Variants in CUBN observed in about 807,000 individuals in gnomAD.
The protein encoded by CUBN is 460 kDa receptor.
Under a neutral mutation model 405.3 loss-of-function variants are expected in CUBN, and 282 were observed. The observed-to-expected ratio is 0.70, with a 90% confidence interval of 0.63 to 0.77. The LOEUF is 0.77. CUBN is among the 30% of genes least tolerant of loss of function. The pLI, the probability that CUBN is intolerant of heterozygous loss-of-function variation, is 0.00. For missense variants in CUBN, 4,514 were observed against 4,475.2 expected, an observed-to-expected ratio of 1.01 and a Z score of -0.25; for synonymous variants, 1,684 against 1,617.0, an observed-to-expected ratio of 1.04 and a Z score of -0.99.
At chr10:17,089,942 G>A (rs1290868412) in intron 14 of CUBN, among the ~76,000 whole-genome samples, 7 of 151,880 alleles carry the variant, frequency 4.6e-5, no homozygotes, top group African/African-American at 7.3e-5. Context: ...GGCAGCCATC[G>A]CTACAAAAAA....
chr10:17,075,118 C>G (rs1362513034), intron 17 of CUBN, among the ~76,000 whole-genome samples: 1 of 112,342 alleles, frequency 8.9e-6, no homozygotes, highest in Admixed American at 1.3e-4. Context: ...AAGTCTCACT[C>G]TGTCACCTAG....
intron 66 of CUBN, 49 bp from the exon 67 acceptor site, chr10:16,825,131 C>T (rs369163344): frequency 1.8e-5 from 25 of 1,370,942 alleles, no homozygotes; most frequent in Middle Eastern, 2.1e-4. Flanking sequence ...CATATTTGAA[C>T]GTTTTTCTAG....
intron 27 of CUBN, among the ~76,000 whole-genome samples, chr10:17,023,043 C>T (rs533475647): frequency 6.6e-5 from 10 of 152,290 alleles, no homozygotes; most frequent in African/African-American, 2.2e-4. Flanking sequence ...GCATTTTTGC[C>T]TGTCAGCTCT....
At chr10:16,863,196 C>T (rs968069904) in intron 59 of CUBN, among the ~76,000 whole-genome samples, 2 of 152,178 alleles carry the variant, frequency 1.3e-5, no homozygotes, top group African/African-American at 2.4e-5. Flanking sequence ...CAAAGAATAA[C>T]GTGAAGATAA....
At chr10:16,874,591 A>C in intron 57 of CUBN, 88 bp from the exon 58 acceptor site, 1 of 1,508,026 alleles carries the variant, frequency 6.6e-7, no homozygotes, top group Non-Finnish European at 9.2e-7. Flanking sequence ...ACTATTGTAC[A>C]TTTTTCCCTA....
At chr10:16,982,926 C>T (rs1017044305) in intron 30 of CUBN, among the ~76,000 whole-genome samples, 8 of 152,034 alleles carry the variant, frequency 5.3e-5, no homozygotes, top group East Asian at 1.9e-4. Flanking sequence ...AATGAAATCA[C>T]GTTTTCACAA....
chr10:16,864,535 T>G (rs940748819), intron 59 of CUBN, among the ~76,000 whole-genome samples: 1 of 152,212 alleles, frequency 6.6e-6, no homozygotes, highest in Admixed American at 6.5e-5. Flanking sequence ...AATTGATCAG[T>G]TTTTTAGTAG....
Position 16,950,124 on chromosome 10 carries a change from A to G in CUBN, c.4970-13T>C. On this transcript the variant is annotated splice_polypyrimidine_tract_variant and intron_variant, in intron 33 of 66. Coordinates refer to ENST00000377833, the MANE Select transcript of CUBN (RefSeq NM_001081.4). ...GTGATATGATTTACTGGAAGAAAAA[A>G]GAGAAGACTCTCTCGTAAAGTACTG... is the stretch of plus-strand genomic sequence containing the variant. 1 of 1,590,888 alleles carries G rather than the reference A, an allele frequency of 6.3e-7. No homozygotes were observed. Among genetic ancestry groups the G allele is most frequent in the Non-Finnish European group, 8.6e-7 (1 of 1,160,098 alleles).
chr10:16,833,554 A>G (rs139910146), intron 64 of CUBN, among the ~76,000 whole-genome samples: 1,557 of 152,318 alleles, frequency 0.01, 33 homozygotes, highest in African/African-American at 0.035. Flanking sequence ...ACCATATGCC[A>G]GAACACCCTT....
chr10:16,843,310 A>T (rs528515335), intron 60 of CUBN, among the ~76,000 whole-genome samples: 2 of 152,306 alleles, frequency 1.3e-5, no homozygotes, highest in East Asian at 3.9e-4. Flanking sequence ...TGTGTATCTA[A>T]CTCCAAATAT....
chr10:17,009,426 A>G (rs1240561318), intron 28 of CUBN, among the ~76,000 whole-genome samples: 2 of 152,250 alleles, frequency 1.3e-5, no homozygotes, highest in African/African-American at 4.8e-5. Context: ...AGATTTCACC[A>G]GAATATTCAG....
intron 22 of CUBN, among the ~76,000 whole-genome samples, chr10:17,056,395 G>T (rs1835396832): frequency 6.6e-6 from 1 of 152,076 alleles, no homozygotes; most frequent in Admixed American, 6.5e-5. Flanking sequence ...CGGATCACAA[G>T]GTCAGGATAT....
chr10:16,836,874 G>A (rs1468902332), intron 62 of CUBN, among the ~76,000 whole-genome samples: 3 of 152,152 alleles, frequency 2.0e-5, no homozygotes, highest in African/African-American at 7.2e-5. Flanking sequence ...TGAGGTACCG[G>A]TTCCCCTTTG....
chr10:16,860,972 T>C (rs1839995713), intron 59 of CUBN, among the ~76,000 whole-genome samples: 1 of 152,134 alleles, frequency 6.6e-6, no homozygotes. Context: ...TGGCTCCTCT[T>C]TGCACATGAT....
At chr10:17,124,307 A>G (rs1837117109) in intron 4 of CUBN, among the ~76,000 whole-genome samples, 2 of 152,224 alleles carry the variant, frequency 1.3e-5, no homozygotes, top group African/African-American at 4.8e-5. Flanking sequence ...ATCTACATCT[A>G]CATAACCTGG....
Position 16,984,275 on chromosome 10 carries a change from T to C in CUBN, c.4355A>G (p.Tyr1452Cys). The C allele has an allele frequency of 6.2e-7, 1 of 1,613,992 alleles. No homozygotes were observed. The highest frequency in any genetic ancestry group is 8.5e-7 in the Non-Finnish European group (1 of 1,179,898). Residue 1452 changes from tyrosine (Y) to cysteine (C), a missense_variant, in exon 30 of 67, where the codon TAT (tyrosine) becomes TGT (cysteine). Around this residue, in one of 5 missense-constraint regions of CUBN, gnomAD observed 1,613 missense variants for 1,542.8 expected, o/e 1.05. Transcript: ENST00000377833. ...GGGAGAGTGGAAATCGGGGCCTCCATAGATCTAACATGGGATGTAGGAAAA... is the reference window on the plus strand; with the variant it reads ...GGGAGAGTGGAAATCGGGGCCTCCACAGATCTAACATGGGATGTAGGAAAA... ...SRCNFDVLEI[Y>C]GGPDFHSPRI...
chr10:16,970,053 A>C (rs1843507133), intron 31 of CUBN, among the ~76,000 whole-genome samples: 1 of 152,206 alleles, frequency 6.6e-6, no homozygotes, highest in Non-Finnish European at 1.5e-5. Flanking sequence ...TTTCTAAATA[A>C]GCAAACTAAG....
At chr10:16,828,196 T>C (rs1450475616) in intron 66 of CUBN, among the ~76,000 whole-genome samples, 1 of 151,964 alleles carries the variant, frequency 6.6e-6, no homozygotes, top group African/African-American at 2.4e-5. Context: ...GTGCTGTGAC[T>C]CCTCCCTGGG....
chr10:17,029,518 T>C (rs1834744413), intron 27 of CUBN, among the ~76,000 whole-genome samples: 2 of 152,270 alleles, frequency 1.3e-5, no homozygotes, highest in South Asian at 4.1e-4. Flanking sequence ...TCATGCTTAG[T>C]ACGGTGCTAG....
Sources: gnomAD v4.1 joint callset for allele counts (sites outside exome capture counted in the v4.1 genomes callset) on GRCh38, gnomAD v4.1.1 for gene constraint, gnomAD v4.1.1 regional missense constraint, MANE v1.5 for transcripts, NCBI Gene and HGNC (gene_info 2026-07-23, HGNC 2026-07-21) for gene names.